The following FAM83B variants were observed in gnomAD, a reference collection of about 807,000 sequenced individuals.
FAM83B encodes the protein protein FAM83B.
In FAM83B, 26 loss-of-function variants were observed where a neutral mutation model predicts 38.8. The observed-to-expected ratio is 0.67, with a 90% CI of 0.49 to 0.93. The LOEUF (loss-of-function observed/expected upper bound fraction) is 0.93, where lower values mean the gene tolerates loss of function less well. Ranked by LOEUF, FAM83B falls within the 40% of genes least tolerant of loss-of-function variation. FAM83B has a pLI of 0.00. For missense variants in FAM83B, 1,237 were observed against 1,197.3 expected, an observed-to-expected ratio of 1.03 and a Z score of -0.49; for synonymous variants, 419 against 423.1, an observed-to-expected ratio of 0.99 and a Z score of 0.12.
At chr6:54,909,457 T>C (rs771028205) in intron 2 of FAM83B, among the ~76,000 whole-genome samples, 59 of 152,216 alleles carry the variant, frequency 3.9e-4, no homozygotes, top group Non-Finnish European at 3.8e-4. Flanking sequence ...CCATGAGAGA[T>C]TTCTGAGGCA....
chr6:54,899,240 G>A (rs239847), intron 2 of FAM83B, among the ~76,000 whole-genome samples: 30,347 of 151,962 alleles, frequency 0.2, 3,446 homozygotes, highest in African/African-American at 0.31. Flanking sequence ...ATTTTTGAAG[G>A]GTGTTACATA....
rs144775895 is a variant in FAM83B at position 54,888,661 on chromosome 6, C to A, written c.444+17971C>A. Among the ~76,000 whole-genome samples, 883 of 151,952 alleles carry A rather than the reference C, an allele frequency of 5.8e-3. 33 individuals are homozygous for A. The highest frequency in any genetic ancestry group is 0.054 in the Admixed American group (823 of 15,254). On this transcript the variant is annotated intron_variant, in intron 2 of 4. Coordinates refer to ENST00000306858, the MANE Select transcript of FAM83B (RefSeq NM_001010872.3). Reference sequence around the variant, plus strand: ...AAGGTATATATTTTTTCTCTGTCTACTTTTAAGGATTTCTTTTTGTCATTC... The same window carrying A: ...AAGGTATATATTTTTTCTCTGTCTAATTTTAAGGATTTCTTTTTGTCATTC...
intron 2 of FAM83B, among the ~76,000 whole-genome samples, chr6:54,900,049 G>A (rs1772625563): frequency 6.6e-6 from 1 of 152,168 alleles, no homozygotes; most frequent in South Asian, 2.1e-4. Context: ...ACAAAACACA[G>A]TATCACATTT....
chr6:54,847,938 G>A (rs1340301383), intron 1 of FAM83B, among the ~76,000 whole-genome samples: 1 of 152,100 alleles, frequency 6.6e-6, no homozygotes, highest in African/African-American at 2.4e-5. Context: ...ATCTTGCTAG[G>A]TTACTGGCAG....
chr6:54,860,288 T>A (rs1771546805), intron 1 of FAM83B, among the ~76,000 whole-genome samples: 1 of 151,888 alleles, frequency 6.6e-6, no homozygotes, highest in Non-Finnish European at 1.5e-5. Flanking sequence ...AGCTGGAGAG[T>A]CTGGGTTGGT....
chr6:54,908,131 GAA>G (rs200867108), intron 2 of FAM83B, among the ~76,000 whole-genome samples: 94,685 of 138,784 alleles, frequency 0.68, 32,913 homozygotes, highest in East Asian at 0.88. Flanking sequence ...GGATTTCATG[GAA>G]AAAAAAAAAA....
At chr6:54,907,629 A>G (rs79379293) in intron 2 of FAM83B, among the ~76,000 whole-genome samples, 7,306 of 150,622 alleles carry the variant, frequency 0.049, 247 homozygotes, top group Middle Eastern at 0.084. Context: ...TTTTATGAAG[A>G]TTTTTTTTTA....
At chr6:54,922,748 T>G (rs185869494) in intron 2 of FAM83B, among the ~76,000 whole-genome samples, 2 of 152,104 alleles carry the variant, frequency 1.3e-5, no homozygotes, top group African/African-American at 4.8e-5. Flanking sequence ...GTTTAAACAC[T>G]GTAATTAGCG....
At chr6:54,884,299 T>A (rs1160462916) in intron 2 of FAM83B, among the ~76,000 whole-genome samples, 13 of 82,270 alleles carry the variant, frequency 1.6e-4, no homozygotes, top group South Asian at 4.8e-4. Flanking sequence ...AGACCCCGTC[T>A]AAAAAAAAAA....
chr6:54,890,085 T>C (rs1772366533), intron 2 of FAM83B, among the ~76,000 whole-genome samples: 3 of 152,108 alleles, frequency 2.0e-5, no homozygotes, highest in Non-Finnish European at 2.9e-5. Context: ...TATTGCATCA[T>C]ATTCTTTACA....
At chr6:54,862,738 G>A (rs879711469) in intron 1 of FAM83B, among the ~76,000 whole-genome samples, 7 of 151,930 alleles carry the variant, frequency 4.6e-5, no homozygotes, top group Non-Finnish European at 1.0e-4. Context: ...AGAAAAATTA[G>A]CCGGGCATGG....
chr6:54,919,557 T>C (rs900102744), intron 2 of FAM83B, among the ~76,000 whole-genome samples: 2 of 152,044 alleles, frequency 1.3e-5, no homozygotes, highest in African/African-American at 4.8e-5. Flanking sequence ...CTATGTACAA[T>C]GTACCTTTTA....
At position 54,940,188 on chromosome 6, in the gene FAM83B, T is replaced by C. The variant is rs1221413786; in HGVS notation, c.1217T>C (p.Leu406Pro). Reference protein sequence around the residue: ...TVPYLLLNRALNRTNNPPGNW... With the variant: ...TVPYLLLNRAPNRTNNPPGNW... Reference sequence around the variant, plus strand: ...CCATACCTCCTGCTTAATAGGGCTCTGAATAGAACCAATAATCCACCTGGT... The same window carrying C: ...CCATACCTCCTGCTTAATAGGGCTCCGAATAGAACCAATAATCCACCTGGT... Residue 406 changes from leucine to proline, a missense_variant, in exon 5 of 5, where the codon CTG becomes CCG. Leu to Pro is a moderately conservative substitution (Grantham distance 98). Coordinates refer to ENST00000306858, the MANE Select transcript of FAM83B (RefSeq NM_001010872.3). 6.2e-7 allele frequency: 1 copy of C among 1,613,960 alleles called. No individual in the cohort carries two copies. The highest frequency in any genetic ancestry group is 8.5e-7 in the Non-Finnish European group (1 of 1,180,002).
Position 54,939,899 on chromosome 6 carries a change from G to T in FAM83B, c.928G>T (p.Val310Leu). ...LWENGTYQHS[V>L]SSLASVSSQR... ...GGAAAATGGCACTTACCAGCATTCGGTGTCTTCATTAGCATCTGTTTCCAG... is the reference window on the plus strand; with the variant it reads ...GGAAAATGGCACTTACCAGCATTCGTTGTCTTCATTAGCATCTGTTTCCAG... Residue 310 changes from valine to leucine, a missense_variant, in exon 5 of 5, where the codon GTG (valine) becomes TTG (leucine). By Grantham distance (32) the Val-to-Leu change is conservative. Coordinates refer to ENST00000306858, the MANE Select transcript of FAM83B (RefSeq NM_001010872.3). 6.2e-7 allele frequency: 1 copy of T among 1,614,020 alleles called. No homozygotes were observed. The highest frequency in any genetic ancestry group is 8.5e-7 in the Non-Finnish European group (1 of 1,179,970).
upstream of FAM83B, among the ~76,000 whole-genome samples, chr6:54,846,405 G>T (rs1263422506): frequency 6.6e-6 from 1 of 152,228 alleles, no homozygotes; most frequent in Non-Finnish European, 1.5e-5. Flanking sequence ...TTCTTCCCAG[G>T]TGAGCGTCGC....
Position 54,940,125 on chromosome 6 carries a change from A to G in FAM83B, c.1154A>G (p.Lys385Arg). ...CCCAATCAGATAAATGAAAATTGGAAAAGGCATAGTTATGCTGGGGAACAG... is the reference window on the plus strand; with the variant it reads ...CCCAATCAGATAAATGAAAATTGGAGAAGGCATAGTTATGCTGGGGAACAG... The part of the protein sequence containing the change: ...FQPNQINENW[K>R]RHSYAGEQPE... Residue 385 changes from lysine (K) to arginine (R), a missense_variant, in exon 5 of 5, where the codon AAA (lysine) becomes AGA (arginine). Physicochemically the swap from Lys to Arg is conservative, Grantham distance 26 (BLOSUM62 2). Transcript: ENST00000306858. 1.2e-6 allele frequency: 2 copies of G among 1,614,132 alleles called. No homozygotes were observed. The highest frequency in any genetic ancestry group is 1.7e-6 in the Non-Finnish European group (2 of 1,180,020).
At chr6:54,897,712 A>G (rs1269396708) in intron 2 of FAM83B, among the ~76,000 whole-genome samples, 1 of 152,206 alleles carries the variant, frequency 6.6e-6, no homozygotes, top group Non-Finnish European at 1.5e-5. Flanking sequence ...AACAACATGA[A>G]GATATCTAGA....
At chr6:54,880,960 G>C (rs1015300777) in intron 2 of FAM83B, among the ~76,000 whole-genome samples, 2 of 152,110 alleles carry the variant, frequency 1.3e-5, no homozygotes, top group African/African-American at 4.8e-5. Flanking sequence ...CCCTGAAATA[G>C]AAGATTCAGA....
intron 4 of FAM83B, among the ~76,000 whole-genome samples, chr6:54,936,815 A>G (rs1193481343): frequency 6.6e-6 from 1 of 151,284 alleles, no homozygotes; most frequent in Admixed American, 6.6e-5. Context: ...TTCACTGTTC[A>G]TTCCATTACT....
Sources: gnomAD v4.1 joint callset for allele counts (sites outside exome capture counted in the v4.1 genomes callset) on GRCh38, gnomAD v4.1.1 for gene constraint, MANE v1.5 for transcripts, NCBI Gene and HGNC (gene_info 2026-07-23, HGNC 2026-07-21) for gene names.